Variants in PTPRR observed in about 807,000 individuals in gnomAD.
PTPRR encodes protein tyrosine phosphatase receptor type R.
PTPRR carries 38 observed loss-of-function variants against 77.2 expected under a neutral mutation model. That is an observed-to-expected ratio of 0.49 (90% confidence interval 0.38 to 0.65). PTPRR has a LOEUF of 0.65. Among genes scored for constraint, PTPRR ranks in the 30% least tolerant of loss-of-function variants. PTPRR has a pLI of 0.00. For synonymous variants in PTPRR, 299 were observed against 283.1 expected (o/e 1.06, Z -0.57); for missense variants, 744 against 799.2 (o/e 0.93, Z 0.83).
At chr12:70,910,460 C>T (rs1893684192) in intron 1 of PTPRR, among the ~76,000 whole-genome samples, 1 of 152,110 alleles carries the variant, frequency 6.6e-6, no homozygotes, top group Admixed American at 6.6e-5. Flanking sequence ...GAGTTTAGCA[C>T]ATCAAAGGGA....
At position 70,733,427 on chromosome 12, in the gene PTPRR, C is replaced by CAACAAAAAA. The variant is rs1555171072; in HGVS notation, c.1007+12390_1007+12391insTTTTTTGTT. 6.1e-3 allele frequency among the ~76,000 whole-genome samples: 165 copies of CAACAAAAAA among 26,984 alleles called. 2 individuals carry two copies. Among genetic ancestry groups the CAACAAAAAA allele is most frequent in the Non-Finnish European group, 9.3e-3 (117 of 12,568 alleles). The allele number at this position is 26,984 out of a possible 152,430, so 17.7% of individuals were successfully genotyped here. A position where few individuals can be genotyped will look rare whatever the true frequency, so the allele number is the denominator to read the frequency against. ...TAAAAAAAATACAAACAAACAACAACAAAAAAAAAAAAAAAAAAGAAAGAA... is the reference window on the plus strand; with the variant it reads ...TAAAAAAAATACAAACAAACAACAACAACAAAAAAAAAAAAAAAAAAAAAAAAGAAAGAA... On this transcript the variant is annotated intron_variant, in intron 6 of 13. Transcript: ENST00000283228.
chr12:70,812,569 A>G (rs1399487145), intron 2 of PTPRR, among the ~76,000 whole-genome samples: 1 of 152,156 alleles, frequency 6.6e-6, no homozygotes, highest in Non-Finnish European at 1.5e-5. Context: ...GATTTCCCTA[A>G]CCCACGTTTC....
intron 5 of PTPRR, among the ~76,000 whole-genome samples, chr12:70,748,070 T>C (rs897071320): frequency 5.3e-5 from 8 of 152,070 alleles, no homozygotes; most frequent in African/African-American, 1.9e-4. Context: ...TTACAATGCA[T>C]TGGAAAGGCT....
chr12:70,898,211 A>T (rs1893467909), intron 1 of PTPRR, among the ~76,000 whole-genome samples: 1 of 140,130 alleles, frequency 7.1e-6, no homozygotes. Flanking sequence ...CCTGAATTAA[A>T]GCAATTAGAG....
In PTPRR at chr12:70,796,826, G is replaced by A. The variant is rs139309145; in HGVS notation, c.358-32048C>T. Among the ~76,000 whole-genome samples the A allele has an allele frequency of 4.2e-3, 630 of 151,694 alleles. 5 individuals carry two copies. The highest frequency in any genetic ancestry group is 0.014 in the African/African-American group (599 of 41,346). On this transcript the variant is annotated intron_variant, in intron 2 of 13. Coordinates refer to ENST00000283228, the MANE Select transcript of PTPRR (RefSeq NM_002849.4). ...AGGTGGATTATCAGGTCAGGAGTTCGAGACCAGCCTGACCAACATGATGAA... is the reference window on the plus strand; with the variant it reads ...AGGTGGATTATCAGGTCAGGAGTTCAAGACCAGCCTGACCAACATGATGAA...
intron 6 of PTPRR, among the ~76,000 whole-genome samples, chr12:70,725,549 C>G (rs1371000096): frequency 6.6e-6 from 1 of 152,070 alleles, no homozygotes; most frequent in Non-Finnish European, 1.5e-5. Context: ...GAATTTAGCA[C>G]ATGGAAAAAT....
At chr12:70,845,766 A>C (rs958229750) in intron 2 of PTPRR, among the ~76,000 whole-genome samples, 20 of 152,164 alleles carry the variant, frequency 1.3e-4, no homozygotes, top group African/African-American at 4.8e-4. Context: ...AAAATCCAGA[A>C]AGAAGGGAGG....
intron 1 of PTPRR, among the ~76,000 whole-genome samples, chr12:70,895,363 T>C (rs1893409559): frequency 6.6e-6 from 1 of 151,630 alleles, no homozygotes; most frequent in Non-Finnish European, 1.5e-5. Context: ...AGAGCCACTT[T>C]ATCTAAATAG....
intron 2 of PTPRR, among the ~76,000 whole-genome samples, chr12:70,793,741 T>C (rs1222359828): frequency 2.0e-5 from 3 of 152,208 alleles, no homozygotes; most frequent in African/African-American, 4.8e-5. Flanking sequence ...CTTACAGTTC[T>C]GATTTGGCTC....
intron 6 of PTPRR, among the ~76,000 whole-genome samples, chr12:70,733,480 A>AAAAAAAAAAAAAAAAAAAAAAAAT (rs1565672451): frequency 1.2e-5 from 1 of 85,808 alleles, no homozygotes. Flanking sequence ...CAAAAAAAAA[A>AAAAAAAAAAAAAAAAAAAAAAAAT]AGAAAAAAAA....
intron 2 of PTPRR, among the ~76,000 whole-genome samples, chr12:70,851,317 T>A (rs1313184900): frequency 1.3e-5 from 2 of 152,082 alleles, no homozygotes; most frequent in Non-Finnish European, 2.9e-5. Context: ...GAATCCATAT[T>A]CCAATGTCTT....
chr12:70,793,454 C>G (rs1243373669), intron 2 of PTPRR, among the ~76,000 whole-genome samples: 1 of 152,046 alleles, frequency 6.6e-6, no homozygotes, highest in African/African-American at 2.4e-5. Flanking sequence ...GTGGTCCAGT[C>G]AAAGCAAAAG....
At chr12:70,839,356 C>T (rs1452328310) in intron 2 of PTPRR, among the ~76,000 whole-genome samples, 1 of 151,784 alleles carries the variant, frequency 6.6e-6, no homozygotes, top group Non-Finnish European at 1.5e-5. Context: ...GTGTCCAATA[C>T]ATCATTGACC....
intron 8 of PTPRR, among the ~76,000 whole-genome samples, chr12:70,685,500 ATT>A (rs1887831334): frequency 1.5e-5 from 2 of 135,580 alleles, no homozygotes; most frequent in Admixed American, 7.5e-5. Flanking sequence ...AAAAAAAAAA[ATT>A]AGCCAGGCAT....
At chr12:70,809,782 A>C (rs1000683053) in intron 2 of PTPRR, among the ~76,000 whole-genome samples, 1 of 152,218 alleles carries the variant, frequency 6.6e-6, no homozygotes, top group African/African-American at 2.4e-5. Flanking sequence ...CAATACGAAC[A>C]ATTCAAATAA....
chr12:70,896,554 A>C (rs1893431966), intron 1 of PTPRR, among the ~76,000 whole-genome samples: 1 of 151,772 alleles, frequency 6.6e-6, no homozygotes, highest in Non-Finnish European at 1.5e-5. Flanking sequence ...TAAACTAGGA[A>C]TCAGTAACAG....
chr12:70,800,199 C>G (rs1022042341), intron 2 of PTPRR, among the ~76,000 whole-genome samples: 1 of 151,940 alleles, frequency 6.6e-6, no homozygotes, highest in African/African-American at 2.4e-5. Context: ...CAAGCCGCTT[C>G]CTGTCTCTTG....
At chr12:70,873,963 A>G (rs1330312313) in intron 2 of PTPRR, among the ~76,000 whole-genome samples, 1 of 152,204 alleles carries the variant, frequency 6.6e-6, no homozygotes, top group African/African-American at 2.4e-5. Context: ...TGATGATTTT[A>G]GGTTAAAAAG....
At position 70,662,586 on chromosome 12, in the gene PTPRR, G is replaced by A. The variant is rs1291209678; in HGVS notation, c.1517C>T (p.Pro506Leu). 1.9e-6 allele frequency: 3 copies of A among 1,609,022 alleles called. No individual in the cohort carries two copies. Among genetic ancestry groups the A allele is most frequent in the African/African-American group, 1.3e-5 (1 of 74,686 alleles). The change falls in exon 11 of 14, where the codon CCG becomes CTG. Residue 506 changes from proline (P) to leucine (L), a missense_variant. This residue lies in a region of PTPRR where 170 missense variants were observed against 209.8 expected (regional missense o/e 0.81). Coordinates refer to ENST00000283228, the MANE Select transcript of PTPRR (RefSeq NM_002849.4). ...EKNEKCVLYW[P>L]EKRGIYGKVE... is the part of the protein sequence containing the mutation. ...TTTTCCATATATCCCTCTCTTTTCC[G>A]GCCAGTATAGCACACATTTCTGGAG... is the stretch of plus-strand genomic sequence containing the variant.
Sources: gnomAD v4.1 joint callset for allele counts (sites outside exome capture counted in the v4.1 genomes callset) on GRCh38, gnomAD v4.1.1 for gene constraint, gnomAD v4.1.1 regional missense constraint, MANE v1.5 for transcripts, NCBI Gene and HGNC (gene_info 2026-07-23, HGNC 2026-07-21) for gene names.